Variants in NDC1 observed in about 807,000 individuals in gnomAD.
The protein encoded by NDC1 is NDC1 transmembrane nucleoporin.
A neutral mutation model predicts 89.8 loss-of-function variants in NDC1; 24 were observed. That is an observed-to-expected ratio of 0.27 (90% CI 0.19 to 0.38). NDC1 has a LOEUF of 0.38. NDC1 is among the 10% of genes least tolerant of loss of function. NDC1 has a pLI of 1.00. For missense variants in NDC1, 728 were observed against 797.6 expected, an observed-to-expected ratio of 0.91 and a Z score of 1.05; for synonymous variants, 296 against 284.8, an observed-to-expected ratio of 1.04 and a Z score of -0.39.
At chr1:53,826,071 C>T (rs111658906) in intron 4 of NDC1, 135 bp from the exon 5 acceptor site, 13 of 818,918 alleles carry the variant, frequency 1.6e-5, no homozygotes, top group African/African-American at 7.2e-5. Flanking sequence ...CAAGATGGCT[C>T]GTTTTCAGTA....
rs147939632 is a variant in NDC1 at position 53,796,969 on chromosome 1, G to A, written c.1398C>T (p.Asn466=). ...GACTTTGCGGTGACCCATAGCAGGT[G>A]TTTACATCAAAAATTCCAGCCATCC... ...MNRMAGIFDV[N]TCYGSPQSPQ... is the part of the protein sequence containing the mutation. The change falls in exon 12 of 18, where the codon AAC becomes AAT. Residue 466 remains asparagine, a synonymous_variant. Transcript: ENST00000371429. 1.5e-4 allele frequency: 245 copies of A among 1,614,172 alleles called. No homozygotes were observed. In the African/African-American group the frequency reaches 3.1e-3, roughly 20 times the overall value.
At chr1:53,801,914 G>T (rs1239579021) in intron 10 of NDC1, among the ~76,000 whole-genome samples, 1 of 152,110 alleles carries the variant, frequency 6.6e-6, no homozygotes, top group African/African-American at 2.4e-5. Context: ...GCAACACCAT[G>T]CCCAGCTAAT....
At chr1:53,797,791 G>C (rs1221588840) in intron 11 of NDC1, among the ~76,000 whole-genome samples, 1 of 152,040 alleles carries the variant, frequency 6.6e-6, no homozygotes, top group Non-Finnish European at 1.5e-5. Context: ...ACCATGCCTG[G>C]CTAATTTTTT....
intron 1 of NDC1, among the ~76,000 whole-genome samples, chr1:53,836,310 G>A (rs1649229318): frequency 6.6e-6 from 1 of 152,092 alleles, no homozygotes; most frequent in Non-Finnish European, 1.5e-5. Flanking sequence ...CACTTTGGGA[G>A]GCCAGGGTGG....
At chr1:53,834,887 T>C (rs940740718) in intron 2 of NDC1, among the ~76,000 whole-genome samples, 1 of 152,078 alleles carries the variant, frequency 6.6e-6, no homozygotes, top group Non-Finnish European at 1.5e-5. Flanking sequence ...GCAGGTGGAT[T>C]GCTTGAAGTC....
intron 14 of NDC1, among the ~76,000 whole-genome samples, chr1:53,790,760 C>G (rs1033598568): frequency 6.6e-6 from 1 of 152,114 alleles, no homozygotes; most frequent in Non-Finnish European, 1.5e-5. Context: ...TACTTGTTAT[C>G]TCTTTTAAAT....
intron 10 of NDC1, among the ~76,000 whole-genome samples, chr1:53,801,244 A>G (rs1183963549): frequency 1.3e-5 from 2 of 152,186 alleles, no homozygotes; most frequent in Non-Finnish European, 2.9e-5. Context: ...AATGAACACT[A>G]CGATGTCCAG....
chr1:53,835,555 T>G lies in NDC1; in HGVS notation c.123A>C (p.Thr41=). 1 of 1,613,050 alleles carries G rather than the reference T, an allele frequency of 6.2e-7. No individual in the cohort carries two copies. ...CAATCCTGCTGAAAATTATAAATAC[T>G]GTGGTGCAGATGGGTAGAAATAGCA... The part of the protein sequence containing the change: ...WSVLFLPICT[T]VFIIFSRIDL... The change falls in exon 2 of 18, where the codon ACA becomes ACC. Residue 41 remains threonine, a synonymous_variant. Coordinates refer to ENST00000371429, the MANE Select transcript of NDC1 (RefSeq NM_018087.5).
At chr1:53,808,584 T>C (rs1403415830) in intron 7 of NDC1, among the ~76,000 whole-genome samples, 1 of 152,234 alleles carries the variant, frequency 6.6e-6, no homozygotes, top group Admixed American at 6.5e-5. Context: ...TTTTAACTTC[T>C]AAGTAAACAT....
In NDC1 at chr1:53,809,754, G is replaced by GA. The variant is rs1648240970; in HGVS notation, c.704-9dup. The GA allele has an allele frequency of 1.9e-6, 3 of 1,609,182 alleles. No homozygotes were observed. Among genetic ancestry groups the GA allele is most frequent in the South Asian group, 1.1e-5 (1 of 90,832 alleles). On this transcript the variant is annotated splice_polypyrimidine_tract_variant and intron_variant, in intron 6 of 17. Coordinates refer to ENST00000371429, the MANE Select transcript of NDC1 (RefSeq NM_018087.5). ...AAGCTTTGGGAATATAGCCTGAAGG[G>GA]AAAAAATACCAAGCTATGAACATAA...
chr1:53,797,165 T>C, intron 11 of NDC1, 21 bp from the exon 12 acceptor site: 1 of 1,609,804 alleles, frequency 6.2e-7, no homozygotes. Context: ...ACAGATCCAG[T>C]GCTGAAGAGG....
At chr1:53,819,755 G>GT (rs1411710310) in intron 5 of NDC1, among the ~76,000 whole-genome samples, 3 of 152,158 alleles carry the variant, frequency 2.0e-5, no homozygotes, top group African/African-American at 7.2e-5. Context: ...ACAACCCTCA[G>GT]TAAGTCATGC....
chr1:53,822,161 AAAG>A (rs1648690107), intron 5 of NDC1, among the ~76,000 whole-genome samples: 1 of 152,206 alleles, frequency 6.6e-6, no homozygotes, highest in South Asian at 2.1e-4. Context: ...AGATCTTTAA[AAAG>A]CCGTAATTTT....
At chr1:53,805,145 G>C (rs996907472) in intron 9 of NDC1, among the ~76,000 whole-genome samples, 3 of 152,026 alleles carry the variant, frequency 2.0e-5, no homozygotes, top group African/African-American at 4.8e-5. Context: ...AAATTCTTTA[G>C]AGTGTGATCA....
At chr1:53,837,044 A>T (rs773005962) in intron 1 of NDC1, among the ~76,000 whole-genome samples, 2 of 152,204 alleles carry the variant, frequency 1.3e-5, no homozygotes, top group African/African-American at 2.4e-5. Context: ...CAACAACCCA[A>T]ATACCCACAT....
intron 15 of NDC1, among the ~76,000 whole-genome samples, chr1:53,788,341 A>T (rs905554483): frequency 1.3e-5 from 2 of 151,888 alleles, no homozygotes; most frequent in Non-Finnish European, 2.9e-5. Context: ...CACACCTGTA[A>T]TCTCATCACT....
At chr1:53,825,078 G>C (rs537013979) in intron 5 of NDC1, among the ~76,000 whole-genome samples, 1 of 152,286 alleles carries the variant, frequency 6.6e-6, no homozygotes, top group African/African-American at 2.4e-5. Flanking sequence ...GGCAGACTGA[G>C]GTGGGAGGAT....
chr1:53,775,724 T>TACA (rs1455049632), intron 16 of NDC1, among the ~76,000 whole-genome samples: 1 of 152,104 alleles, frequency 6.6e-6, no homozygotes, highest in Non-Finnish European at 1.5e-5. Flanking sequence ...GGTGCACAAA[T>TACA]ACAACAGCAA....
At chr1:53,785,686 C>A (rs1176908928) in intron 16 of NDC1, among the ~76,000 whole-genome samples, 4 of 152,054 alleles carry the variant, frequency 2.6e-5, no homozygotes, top group Admixed American at 2.6e-4. Context: ...GGTTCTCCCC[C>A]GTCAGCCTCA....
Sources: allele counts gnomAD v4.1 joint callset (sites outside exome capture counted in the v4.1 genomes callset), GRCh38; gene constraint gnomAD v4.1.1; transcripts MANE v1.5; gene names NCBI Gene and HGNC (gene_info 2026-07-23, HGNC 2026-07-21).